The following BMP5 variants were observed in gnomAD, a reference collection of about 807,000 sequenced individuals.
The protein encoded by BMP5 is bone morphogenetic protein 5.
BMP5 carries 23 observed loss-of-function variants against 46.6 expected under a neutral mutation model. The ratio of observed to expected loss-of-function variants is 0.49; its 90% confidence interval spans 0.35 to 0.70. BMP5 has a LOEUF of 0.70. BMP5 is among the 30% of genes least tolerant of loss of function. The pLI, the probability that BMP5 is intolerant of heterozygous loss-of-function variation, is 0.00. For synonymous variants in BMP5, 204 were observed against 191.9 expected, an observed-to-expected ratio of 1.06 and a Z score of -0.52; for missense variants, 545 against 565.6, an observed-to-expected ratio of 0.96 and a Z score of 0.37.
chr6:55,781,821 G>C (rs536249110), intron 3 of BMP5, among the ~76,000 whole-genome samples: 7 of 151,932 alleles, frequency 4.6e-5, no homozygotes, highest in South Asian at 4.2e-4. Flanking sequence ...ATGTTGACCA[G>C]GCTGGTCTCA....
At chr6:55,854,171 T>C (rs1434717918) in intron 1 of BMP5, among the ~76,000 whole-genome samples, 4 of 152,104 alleles carry the variant, frequency 2.6e-5, no homozygotes, top group African/African-American at 9.7e-5. Flanking sequence ...TTTATATATG[T>C]TGTGTGCATG....
intron 2 of BMP5, among the ~76,000 whole-genome samples, chr6:55,813,512 G>A (rs376342719): frequency 6.6e-6 from 1 of 151,474 alleles, no homozygotes; most frequent in African/African-American, 2.4e-5. Context: ...TAATTTGGCC[G>A]GGCGCGGTGG....
intron 5 of BMP5, 44 bp from the exon 6 acceptor site, chr6:55,759,159 AAAAAAAAAAAAAAAAAAAAAAAAAC>A (rs1562023440): frequency 1.1e-4 from 83 of 778,074 alleles, no homozygotes; most frequent in African/African-American, 1.0e-3. Flanking sequence ...AAAAAAAAAA[AAAAAAAAAAAAAAAAAAAAAAAAAC>A]AACAAGAAAA....
At chr6:55,779,698 C>A (rs1775261194) in intron 3 of BMP5, among the ~76,000 whole-genome samples, 4 of 151,934 alleles carry the variant, frequency 2.6e-5, no homozygotes, top group African/African-American at 9.7e-5. Flanking sequence ...ATATTGTAAT[C>A]TAGCTACAAA....
At chr6:55,816,805 G>A (rs1776282221) in intron 2 of BMP5, among the ~76,000 whole-genome samples, 1 of 152,038 alleles carries the variant, frequency 6.6e-6, no homozygotes, top group African/African-American at 2.4e-5. Flanking sequence ...GAGGGCATGT[G>A]CACGTACGTG....
intron 1 of BMP5, among the ~76,000 whole-genome samples, chr6:55,851,862 C>T (rs1356007264): frequency 4.6e-5 from 7 of 152,062 alleles, no homozygotes. Context: ...TGAAAAGCAT[C>T]CTTTTAAGTA....
intron 1 of BMP5, among the ~76,000 whole-genome samples, chr6:55,853,831 C>T (rs1777315332): frequency 6.6e-6 from 1 of 152,084 alleles, no homozygotes; most frequent in South Asian, 2.1e-4. Context: ...TCTTTACGAT[C>T]ACTGTGCTAT....
At chr6:55,802,720 T>G (rs1313067699) in intron 2 of BMP5, among the ~76,000 whole-genome samples, 1 of 152,028 alleles carries the variant, frequency 6.6e-6, no homozygotes, top group Non-Finnish European at 1.5e-5. Flanking sequence ...GTTTTTGTAT[T>G]AAATATATAT....
intron 1 of BMP5, among the ~76,000 whole-genome samples, chr6:55,863,093 G>A (rs1358826049): frequency 1.3e-5 from 2 of 152,090 alleles, no homozygotes; most frequent in Non-Finnish European, 2.9e-5. Context: ...ACAGTGTCTG[G>A]CCCAATAGTA....
chr6:55,837,369 A>AGATATAGATG (rs1554184999), intron 1 of BMP5, among the ~76,000 whole-genome samples: 53 of 149,078 alleles, frequency 3.6e-4, no homozygotes, highest in African/African-American at 1.3e-3. Context: ...ATAGATAGAT[A>AGATATAGATG]GATAGATAGA....
intron 5 of BMP5, among the ~76,000 whole-genome samples, chr6:55,759,589 T>C (rs1341039338): frequency 6.6e-6 from 1 of 152,024 alleles, no homozygotes; most frequent in Admixed American, 6.6e-5. Flanking sequence ...CTTAGTTTTA[T>C]AAGTCTGACA....
intron 1 of BMP5, among the ~76,000 whole-genome samples, chr6:55,857,717 C>T (rs1437051808): frequency 6.6e-6 from 1 of 151,986 alleles, no homozygotes; most frequent in South Asian, 2.1e-4. Context: ...CTCTGCAATC[C>T]CAAAATGACA....
At chr6:55,816,277 T>G (rs9349795) in intron 2 of BMP5, among the ~76,000 whole-genome samples, 15,157 of 152,020 alleles carry the variant, frequency 0.1, 858 homozygotes, top group East Asian at 0.14. Context: ...GTGCTGAGGA[T>G]AAAAATAAAT....
At chr6:55,863,986 G>T (rs1777580399) in intron 1 of BMP5, among the ~76,000 whole-genome samples, 1 of 151,926 alleles carries the variant, frequency 6.6e-6, no homozygotes, top group African/African-American at 2.4e-5. Flanking sequence ...ACGTTTCTCA[G>T]AAGGTACACC....
chr6:55,799,016 A>T (rs1275251390), intron 2 of BMP5, among the ~76,000 whole-genome samples: 2 of 152,200 alleles, frequency 1.3e-5, no homozygotes, highest in African/African-American at 4.8e-5. Context: ...TATAGAAGCT[A>T]TATAGCTAAG....
chr6:55,822,887 T>C (rs913685454), intron 1 of BMP5, among the ~76,000 whole-genome samples: 5 of 152,040 alleles, frequency 3.3e-5, no homozygotes, highest in African/African-American at 1.2e-4. Flanking sequence ...CAGAACGAAG[T>C]TGCATTGCAG....
intron 2 of BMP5, among the ~76,000 whole-genome samples, chr6:55,796,863 T>C (rs924509390): frequency 1.3e-5 from 2 of 152,140 alleles, no homozygotes; most frequent in Non-Finnish European, 1.5e-5. Flanking sequence ...TGCAATTCAT[T>C]GGAAAGTAAA....
chr6:55,847,285 A>G (rs554815547), intron 1 of BMP5, among the ~76,000 whole-genome samples: 11 of 152,058 alleles, frequency 7.2e-5, no homozygotes, highest in African/African-American at 2.4e-4. Context: ...TGTCATTCTC[A>G]ACCAGGGCAG....
chr6:55,815,654 G>A (rs1301313898), intron 2 of BMP5, among the ~76,000 whole-genome samples: 3 of 151,906 alleles, frequency 2.0e-5, no homozygotes, highest in Non-Finnish European at 2.9e-5. Flanking sequence ...TTTTAAATCA[G>A]GTATAATTAG....
Sources: gnomAD v4.1 joint callset for allele counts (sites outside exome capture counted in the v4.1 genomes callset) on GRCh38, gnomAD v4.1.1 for gene constraint, MANE v1.5 for transcripts, NCBI Gene and HGNC (gene_info 2026-07-23, HGNC 2026-07-21) for gene names.